Variants in NCOA2 observed in about 807,000 individuals in gnomAD.
The protein encoded by NCOA2 is class E basic helix-loop-helix protein 75.
In NCOA2, 21 loss-of-function variants were observed where a neutral mutation model predicts 145.1. That is an observed-to-expected ratio of 0.14 (90% CI 0.10 to 0.21). The LOEUF is 0.21. Ranked by LOEUF, NCOA2 falls within the 10% of genes least tolerant of loss-of-function variation. The probability of loss-of-function intolerance (pLI) is 1.00; values close to 1 mark genes in which losing one functional copy is unlikely to be tolerated. For missense variants in NCOA2, 1,472 were observed against 1,837.6 expected (o/e 0.80, Z 3.64); for synonymous variants, 619 against 637.5 (o/e 0.97, Z 0.44).
At chr8:70,309,781 T>C (rs1280768904) in intron 1 of NCOA2, among the ~76,000 whole-genome samples, 1 of 151,826 alleles carries the variant, frequency 6.6e-6, no homozygotes, top group Non-Finnish European at 1.5e-5. Flanking sequence ...TGAGACACCA[T>C]CTCTACCAGA....
intron 1 of NCOA2, among the ~76,000 whole-genome samples, chr8:70,324,388 G>C (rs1383497872): frequency 1.3e-5 from 2 of 152,148 alleles, no homozygotes; most frequent in Admixed American, 1.3e-4. Flanking sequence ...TCAGGCTGCA[G>C]TGCAGTGATG....
At chr8:70,331,502 T>C (rs16936925) in intron 1 of NCOA2, among the ~76,000 whole-genome samples, 8,343 of 152,178 alleles carry the variant, frequency 0.055, 303 homozygotes, top group East Asian at 0.16. Flanking sequence ...TAAGAGTTCA[T>C]AGCTACAAGT....
Position 70,119,177 on chromosome 8 carries a change from CCT to C in NCOA2, c.4383+2123_4383+2124del, listed in dbSNP as rs1460649179. On this transcript the variant is annotated intron_variant, in intron 22 of 22. Transcript: ENST00000452400. ...ATTTATTCCAACTGTATGTCTGTAACCTCTCACCCACTTCTCTTCCTCCTCTC... is the reference window on the plus strand; with the variant it reads ...ATTTATTCCAACTGTATGTCTGTAACCTCACCCACTTCTCTTCCTCCTCTC... Among the ~76,000 whole-genome samples, 17 of 152,064 alleles carry C rather than the reference CCT, an allele frequency of 1.1e-4. 1 individual carries two copies. Among genetic ancestry groups the C allele is most frequent in the Admixed American group, 9.8e-4 (15 of 15,252 alleles).
Position 70,284,523 on chromosome 8 carries a change from G to A in NCOA2, c.-20+12221C>T, listed in dbSNP as rs962495523. 2.6e-5 allele frequency among the ~76,000 whole-genome samples: 4 copies of A among 152,140 alleles called. No homozygotes were observed. In the East Asian group the frequency reaches 7.7e-4, roughly 29 times the overall value. On this transcript the variant is annotated intron_variant, in intron 2 of 22. Coordinates refer to ENST00000452400, the MANE Select transcript of NCOA2 (RefSeq NM_006540.4). ...CATTTGTTCCTAAAAAGCTAGAAAG[G>A]GAAGACTATAATAGGGAGGGACTTT...
At position 70,226,469 on chromosome 8, in the gene NCOA2, C is replaced by T. The variant is rs144252806; in HGVS notation, c.-19-9705G>A. Reference sequence around the variant, plus strand: ...AAAATCTTGCAACAACTGAGGGAAACCTATACTGTACTAAGTGGCACAAAG... The same window carrying T: ...AAAATCTTGCAACAACTGAGGGAAATCTATACTGTACTAAGTGGCACAAAG... On this transcript the variant is annotated intron_variant, in intron 2 of 22. Coordinates refer to ENST00000452400, the MANE Select transcript of NCOA2 (RefSeq NM_006540.4). Among the ~76,000 whole-genome samples, 29 of 151,972 alleles carry T rather than the reference C, an allele frequency of 1.9e-4. No individual in the cohort carries two copies. The East Asian group carries it at 5.0e-3, about 26-fold the overall frequency.
chr8:70,402,245 G>A (rs919629413), intron 1 of NCOA2: 3 of 152,448 alleles, frequency 2.0e-5, no homozygotes, highest in Non-Finnish European at 4.4e-5. Flanking sequence ...GTCGGTGGGA[G>A]GGGAAGGCGT....
chr8:70,445,688 G>T, the NCOA2 span, among the ~76,000 whole-genome samples: 2 of 152,188 alleles, frequency 1.3e-5, no homozygotes, highest in African/African-American at 4.8e-5. Context: ...GAGGATGTTC[G>T]AGTTTTAAAT....
At chr8:70,119,223 TTC>T (rs1224452864) in intron 22 of NCOA2, among the ~76,000 whole-genome samples, 1 of 152,166 alleles carries the variant, frequency 6.6e-6, no homozygotes, top group Non-Finnish European at 1.5e-5. Flanking sequence ...ACAGTCACCC[TTC>T]TCAGTCTCTG....
chr8:70,274,711 C>T (rs908569153), intron 2 of NCOA2, among the ~76,000 whole-genome samples: 8 of 152,096 alleles, frequency 5.3e-5, no homozygotes, highest in Non-Finnish European at 8.8e-5. Context: ...AAAATAACTC[C>T]GAAAGATACT....
At chr8:70,342,656 T>C (rs1021410097) in intron 1 of NCOA2, among the ~76,000 whole-genome samples, 2 of 151,868 alleles carry the variant, frequency 1.3e-5, no homozygotes, top group African/African-American at 2.4e-5. Flanking sequence ...CATTCTAGAA[T>C]GCACTAGATA....
intron 2 of NCOA2, among the ~76,000 whole-genome samples, chr8:70,294,475 T>A (rs1418732638): frequency 1.3e-5 from 2 of 152,144 alleles, no homozygotes; most frequent in African/African-American, 4.8e-5. Context: ...GAGTATAAAA[T>A]CAAAGTCTCA....
chr8:70,293,032 T>C (rs1826816995), intron 2 of NCOA2, among the ~76,000 whole-genome samples: 1 of 152,174 alleles, frequency 6.6e-6, no homozygotes. Context: ...ACTGAGGGCA[T>C]TTTGTCAACT....
chr8:70,268,197 A>C (rs1023383759), intron 2 of NCOA2, among the ~76,000 whole-genome samples: 1 of 152,110 alleles, frequency 6.6e-6, no homozygotes, highest in African/African-American at 2.4e-5. Context: ...CTCTATCCTC[A>C]TTGTCTTTAT....
intron 11 of NCOA2, among the ~76,000 whole-genome samples, chr8:70,153,033 T>C (rs1246371577): frequency 6.6e-6 from 1 of 152,238 alleles, no homozygotes; most frequent in Admixed American, 6.5e-5. Flanking sequence ...GAATCATTGT[T>C]TTTTTCTTAA....
intron 2 of NCOA2, among the ~76,000 whole-genome samples, chr8:70,238,688 T>C (rs1011401831): frequency 3.9e-5 from 6 of 152,206 alleles, no homozygotes; most frequent in African/African-American, 1.2e-4. Flanking sequence ...CAAGGAAGTA[T>C]GAATTTTCCC....
At chr8:70,426,066 T>C in the NCOA2 span, among the ~76,000 whole-genome samples, 7 of 152,216 alleles carry the variant, frequency 4.6e-5, no homozygotes, top group African/African-American at 1.7e-4. Flanking sequence ...AAAAATTAGA[T>C]GCTAAGTAAA....
chr8:70,155,393 T>C (rs1008729840), intron 11 of NCOA2, among the ~76,000 whole-genome samples: 4 of 152,196 alleles, frequency 2.6e-5, no homozygotes, highest in Admixed American at 6.5e-5. Flanking sequence ...TAAGAAATAA[T>C]TCAATTACGT....
At chr8:70,362,950 T>C (rs1810344755) in intron 1 of NCOA2, among the ~76,000 whole-genome samples, 1 of 151,328 alleles carries the variant, frequency 6.6e-6, no homozygotes, top group Non-Finnish European at 1.5e-5. Flanking sequence ...TAGTGATGCA[T>C]GCTTATAGTC....
chr8:70,217,091 T>C (rs1385744278), intron 2 of NCOA2, among the ~76,000 whole-genome samples: 1 of 152,078 alleles, frequency 6.6e-6, no homozygotes, highest in Non-Finnish European at 1.5e-5. Context: ...CAGCCTCCAG[T>C]TTCAAGAGTG....
Sources: gnomAD v4.1 joint callset for allele counts (sites outside exome capture counted in the v4.1 genomes callset) on GRCh38, gnomAD v4.1.1 for gene constraint, MANE v1.5 for transcripts, NCBI Gene and HGNC (gene_info 2026-07-23, HGNC 2026-07-21) for gene names.